The following NOSTRIN variants were observed in gnomAD, a reference collection of about 807,000 sequenced individuals.
NOSTRIN encodes the protein BM247 homolog.
NOSTRIN carries 63 observed loss-of-function variants against 59.0 expected under a neutral mutation model. The ratio of observed to expected loss-of-function variants is 1.07; its 90% CI spans 0.87 to 1.32. NOSTRIN has a LOEUF of 1.32. Among genes scored for constraint, NOSTRIN ranks in the 40% most tolerant of loss-of-function variants. NOSTRIN has a pLI of 0.00. For missense variants in NOSTRIN, 512 were observed against 473.1 expected (o/e 1.08, Z -0.76); for synonymous variants, 200 against 165.4 (o/e 1.21, Z -1.61).
chr2:168,822,841 C>T (rs1460194968), intron 2 of NOSTRIN, among the ~76,000 whole-genome samples: 1 of 152,216 alleles, frequency 6.6e-6, no homozygotes, highest in Non-Finnish European at 1.5e-5. Flanking sequence ...AATTCATTTT[C>T]TAAATCTGGT....
In NOSTRIN at chr2:168,851,339, G is replaced by A; in HGVS notation, c.790G>A (p.Val264Ile). 1 of 1,613,820 alleles carries A rather than the reference G, an allele frequency of 6.2e-7. No individual in the cohort carries two copies. The highest frequency in any genetic ancestry group is 8.5e-7 in the Non-Finnish European group (1 of 1,179,964). Residue 264 changes from valine to isoleucine, a missense_variant, in exon 10 of 16, where the codon GTA (valine) becomes ATA (isoleucine). Val to Ile is a conservative substitution (Grantham distance 29, BLOSUM62 3). Coordinates refer to ENST00000317647, the MANE Select transcript of NOSTRIN (RefSeq NM_001039724.4). ...TGACATTGAAAAAGATATCCAGGCT[G>A]TAATGGAAGAAACTGCAATTTTATC... ...KIDIEKDIQA[V>I]MEETAILSTE...
chr2:168,834,329 A>T lies in NOSTRIN; in HGVS notation c.504+4A>T, dbSNP rs369504304. The T allele has an allele frequency of 1.1e-6, 1 of 872,404 alleles. No individual in the cohort carries two copies. The highest frequency in any genetic ancestry group is 1.6e-5 in the African/African-American group (1 of 61,302). The allele number at this position is 872,404 out of a possible 1,614,324, so 54.0% of individuals were successfully genotyped here. On this transcript the variant is annotated splice_donor_region_variant and intron_variant, in intron 7 of 15. Coordinates refer to ENST00000317647, the MANE Select transcript of NOSTRIN (RefSeq NM_001039724.4). Reference sequence around the variant, plus strand: ...GACTGAGAAGGAGAAGCGGAAGGTAAGCTGTCATGGCTGGCTGGGCGCATG... The same window carrying T: ...GACTGAGAAGGAGAAGCGGAAGGTATGCTGTCATGGCTGGCTGGGCGCATG...
rs1038297571 is a variant in NOSTRIN at position 168,860,820 on chromosome 2, T to C, written c.1205T>C (p.Ile402Thr). Reference protein sequence around the residue: ...EKEHTHSYVKISRPFLMKRLE... With the variant: ...EKEHTHSYVKTSRPFLMKRLE... The stretch of plus-strand genomic sequence containing the variant: ...GAGCATACTCATAGCTATGTGAAAA[T>C]ATCTCGGCCTTTTTTAATGAAGAGA... The change falls in exon 14 of 16, where the codon ATA becomes ACA. Residue 402 changes from isoleucine to threonine, a missense_variant. Ile to Thr is a moderately conservative substitution (Grantham distance 89). Coordinates refer to ENST00000317647, the MANE Select transcript of NOSTRIN (RefSeq NM_001039724.4). The C allele has an allele frequency of 6.2e-7, 1 of 1,613,100 alleles. No homozygotes were observed. The highest frequency in any genetic ancestry group is 1.3e-5 in the African/African-American group (1 of 75,012).
chr2:168,859,849 A>G (rs961149841), intron 13 of NOSTRIN, among the ~76,000 whole-genome samples: 2 of 152,232 alleles, frequency 1.3e-5, no homozygotes, highest in Admixed American at 1.3e-4. Flanking sequence ...CCAAACTTCT[A>G]TGAGAAGCTA....
At chr2:168,798,104 C>A (rs1685531965), upstream of NOSTRIN, 1 of 151,960 alleles carries the variant, frequency 6.6e-6, no homozygotes, top group Non-Finnish European at 1.5e-5. Flanking sequence ...GTCATAAATA[C>A]TTATTTGTAT....
At chr2:168,843,941 G>A (rs954597054) in intron 8 of NOSTRIN, among the ~76,000 whole-genome samples, 6 of 152,100 alleles carry the variant, frequency 3.9e-5, no homozygotes, top group African/African-American at 4.8e-5. Flanking sequence ...AAAACTGTAC[G>A]CAATCTTCAT....
intron 13 of NOSTRIN, 110 bp from the exon 14 acceptor site, chr2:168,860,685 A>G (rs959917123): frequency 5.2e-5 from 38 of 724,842 alleles, no homozygotes; most frequent in East Asian, 8.0e-5. Flanking sequence ...AAAAAAAGAA[A>G]AAACAAACAG....
At chr2:168,800,911 A>T (rs997423801), upstream of NOSTRIN, among the ~76,000 whole-genome samples, 2 of 24,640 alleles carry the variant, frequency 8.1e-5, no homozygotes, top group Non-Finnish European at 1.6e-4. Context: ...AATTTCTTTT[A>T]AAAAAAAAAC....
chr2:168,791,365 G>A (rs1257587379), intron 2 of NOSTRIN, among the ~76,000 whole-genome samples: 3 of 152,142 alleles, frequency 2.0e-5, no homozygotes, highest in African/African-American at 7.2e-5. Context: ...GTGTATATGT[G>A]CCACATTTTC....
In NOSTRIN at chr2:168,856,797, C is replaced by A; in HGVS notation, c.1053+19C>A. The stretch of plus-strand genomic sequence containing the variant: ...GGATGAGGTAAATGTTTGCCGAGTG[C>A]ATTTCCTAGATGTAGTGATGAAAAG... On this transcript the variant is annotated intron_variant, in intron 12 of 15. Coordinates refer to ENST00000317647, the MANE Select transcript of NOSTRIN (RefSeq NM_001039724.4). 6.2e-7 allele frequency: 1 copy of A among 1,606,586 alleles called. No individual in the cohort carries two copies. Among genetic ancestry groups the A allele is most frequent in the South Asian group, 1.1e-5 (1 of 90,906 alleles).
Position 168,845,247 on chromosome 2 carries a change from G to T in NOSTRIN, c.630+2130G>T, listed in dbSNP as rs1169854887. The stretch of plus-strand genomic sequence containing the variant: ...GCTCTGCAACCTGGGCTCTGATCTT[G>T]CCTCACCTCACCTCATCACTTCCTG... On this transcript the variant is annotated intron_variant, in intron 8 of 15. Transcript: ENST00000317647. Among the ~76,000 whole-genome samples, 8 of 152,132 alleles carry T rather than the reference G, an allele frequency of 5.3e-5. No homozygotes were observed. The East Asian group carries it at 1.5e-3, about 29-fold the overall frequency.
upstream of NOSTRIN, among the ~76,000 whole-genome samples, chr2:168,797,076 TTTC>T: frequency 3.6e-5 from 2 of 54,804 alleles, no homozygotes; most frequent in African/African-American, 1.1e-4. Context: ...CTTTTTCTTT[TTTC>T]TTTTTTTTTT....
intron 12 of NOSTRIN, among the ~76,000 whole-genome samples, chr2:168,857,467 A>G (rs1313559645): frequency 6.6e-6 from 1 of 152,064 alleles, no homozygotes; most frequent in East Asian, 1.9e-4. Context: ...GGGTGGGGAG[A>G]TGGTAGAAGA....
At chr2:168,821,184 A>G (rs1473687510) in intron 2 of NOSTRIN, among the ~76,000 whole-genome samples, 3 of 152,232 alleles carry the variant, frequency 2.0e-5, no homozygotes, top group Admixed American at 6.5e-5. Flanking sequence ...GAAAGAATAC[A>G]ATGCTGGAAA....
upstream of NOSTRIN, among the ~76,000 whole-genome samples, chr2:168,796,309 C>T (rs1212860220): frequency 1.3e-5 from 2 of 152,212 alleles, no homozygotes; most frequent in African/African-American, 4.8e-5. Context: ...TCACCCATGT[C>T]ATAGCTAGTC....
intron 12 of NOSTRIN, among the ~76,000 whole-genome samples, chr2:168,858,779 T>A (rs747087083): frequency 6.6e-6 from 1 of 152,142 alleles, no homozygotes; most frequent in Non-Finnish European, 1.5e-5. Context: ...GGAATTCCCA[T>A]GCTGGAGGTG....
chr2:168,807,325 A>G (rs1685908189), intron 1 of NOSTRIN, among the ~76,000 whole-genome samples: 1 of 152,230 alleles, frequency 6.6e-6, no homozygotes, highest in South Asian at 2.1e-4. Context: ...CTGCTGTAGC[A>G]TTTAAGTGGG....
At position 168,843,135 on chromosome 2, in the gene NOSTRIN, AT is replaced by A; in HGVS notation, c.630+25del. On this transcript the variant is annotated intron_variant, in intron 8 of 15. Coordinates refer to ENST00000317647, the MANE Select transcript of NOSTRIN (RefSeq NM_001039724.4). ...GCTACCAGGTAAGTTATATATTCACATTTTTTTCTTCTTCTGTGGAGCTTTG... is the reference window on the plus strand; with the variant it reads ...GCTACCAGGTAAGTTATATATTCACATTTTTTCTTCTTCTGTGGAGCTTTG... 1.2e-6 allele frequency: 1 copy of A among 858,210 alleles called. No homozygotes were observed. The highest frequency in any genetic ancestry group is 1.3e-5 in the South Asian group (1 of 74,094). 53.2% of individuals were successfully genotyped at this position (858,210 alleles called of 1,614,324 possible). A position where few individuals can be genotyped will look rare whatever the true frequency, so the allele number is the denominator to read the frequency against.
At chr2:168,832,788 AT>A (rs144801768) in intron 6 of NOSTRIN, among the ~76,000 whole-genome samples, 1 of 151,870 alleles carries the variant, frequency 6.6e-6, no homozygotes, top group East Asian at 1.9e-4. Flanking sequence ...ATTGTTTTGT[AT>A]TTTTTTTAAA....
Sources: gnomAD v4.1 joint callset for allele counts (sites outside exome capture counted in the v4.1 genomes callset) on GRCh38, gnomAD v4.1.1 for gene constraint, MANE v1.5 for transcripts, NCBI Gene and HGNC (gene_info 2026-07-23, HGNC 2026-07-21) for gene names.